The following HACE1 variants were observed in gnomAD, a reference collection of about 807,000 sequenced individuals.
HACE1 encodes HECT domain and ankyrin repeat containing E3 ubiquitin protein ligase 1, also known as E3 ubiquitin-protein ligase HACE1.
HACE1 carries 73 observed loss-of-function variants against 118.4 expected under a neutral mutation model. That is an observed-to-expected ratio of 0.62 (90% CI 0.51 to 0.75). HACE1 has a LOEUF of 0.75. Ranked by LOEUF, HACE1 falls within the 30% of genes least tolerant of loss-of-function variation. The probability of loss-of-function intolerance (pLI) is 0.00; values close to 1 mark genes in which losing one functional copy is unlikely to be tolerated. For synonymous variants in HACE1, 368 were observed against 374.8 expected, an observed-to-expected ratio of 0.98 and a Z score of 0.21; for missense variants, 749 against 1,102.2, an observed-to-expected ratio of 0.68 and a Z score of 4.54.
At chr6:104,769,634 A>G (rs145189361) in intron 19 of HACE1, among the ~76,000 whole-genome samples, 60 of 152,344 alleles carry the variant, frequency 3.9e-4, no homozygotes, top group African/African-American at 1.4e-3. Context: ...ATTAAAAATC[A>G]AGTAAGTTCT....
At chr6:104,816,002 G>A (rs1478231917) in intron 6 of HACE1, among the ~76,000 whole-genome samples, 1 of 151,808 alleles carries the variant, frequency 6.6e-6, no homozygotes, top group African/African-American at 2.4e-5. Context: ...GAACCCAGGA[G>A]GCGGAGATTG....
At chr6:104,733,082 C>T (rs1348586683) in intron 22 of HACE1, among the ~76,000 whole-genome samples, 1 of 151,990 alleles carries the variant, frequency 6.6e-6, no homozygotes, top group African/African-American at 2.4e-5. Context: ...AATAACGTGA[C>T]CAAACATAAA....
intron 1 of HACE1, chr6:104,859,297 C>G (rs1437448396): frequency 2.3e-6 from 1 of 443,454 alleles, no homozygotes; most frequent in African/African-American, 2.1e-5. Context: ...GACCCCTAAT[C>G]GACAGACGTT....
intron 19 of HACE1, 128 bp from the exon 20 acceptor site, chr6:104,750,600 G>T: frequency 1.2e-6 from 1 of 846,098 alleles, no homozygotes; most frequent in Non-Finnish European, 1.9e-6. Flanking sequence ...ATACATCTCA[G>T]CAAATCAGCA....
chr6:104,799,903 G>C (rs1015299566), intron 7 of HACE1, among the ~76,000 whole-genome samples: 2 of 134,160 alleles, frequency 1.5e-5, no homozygotes, highest in African/African-American at 6.3e-5. Context: ...AGCCCACGGA[G>C]GGTGAGCACC....
chr6:104,766,440 A>G (rs1780025203), intron 19 of HACE1, among the ~76,000 whole-genome samples: 1 of 152,144 alleles, frequency 6.6e-6, no homozygotes, highest in Admixed American at 6.5e-5. Flanking sequence ...ACTCTGAATT[A>G]TGGATGCTCA....
intron 5 of HACE1, among the ~76,000 whole-genome samples, chr6:104,838,716 C>G (rs1487509833): frequency 6.6e-6 from 1 of 151,062 alleles, no homozygotes; most frequent in African/African-American, 2.4e-5. Flanking sequence ...CAAAAGTAAC[C>G]AAAGCAAAAA....
chr6:104,805,895 A>T (rs1770941373), intron 7 of HACE1, among the ~76,000 whole-genome samples: 1 of 152,196 alleles, frequency 6.6e-6, no homozygotes, highest in Admixed American at 6.5e-5. Context: ...ACTCAAAAAA[A>T]TTATGGTATC....
intron 7 of HACE1, among the ~76,000 whole-genome samples, chr6:104,805,515 T>C (rs1770893003): frequency 6.6e-6 from 1 of 152,218 alleles, no homozygotes; most frequent in Admixed American, 6.5e-5. Context: ...CATGGAATAC[T>C]ATGCAGCCAT....
At chr6:104,832,168 T>C (rs563378272) in intron 6 of HACE1, among the ~76,000 whole-genome samples, 5 of 152,264 alleles carry the variant, frequency 3.3e-5, no homozygotes, top group South Asian at 2.1e-4. Context: ...ATCTCCAAAA[T>C]TGAGGCTTAA....
At chr6:104,771,662 C>T (rs2034821) in intron 18 of HACE1, among the ~76,000 whole-genome samples, 83,781 of 147,550 alleles carry the variant, frequency 0.57, 25,247 homozygotes, top group African/African-American at 0.8. Context: ...AGTATACTCA[C>T]ACTGAAATGT....
chr6:104,738,355 C>A, intron 22 of HACE1, among the ~76,000 whole-genome samples: 1 of 148,852 alleles, frequency 6.7e-6, no homozygotes, highest in East Asian at 2.0e-4. Context: ...AGGCTTCAGA[C>A]GATCAAATTA....
intron 6 of HACE1, among the ~76,000 whole-genome samples, chr6:104,830,884 T>C (rs1773797773): frequency 6.6e-6 from 1 of 151,220 alleles, no homozygotes; most frequent in African/African-American, 2.4e-5. Context: ...CTCCTTAAGC[T>C]ATCTGGCATC....
Position 104,777,125 on chromosome 6 carries a change from T to C in HACE1, c.1679-15A>G, listed in dbSNP as rs201465673. 3.8e-5 allele frequency: 59 copies of C among 1,572,092 alleles called. No individual in the cohort carries two copies. The highest frequency in any genetic ancestry group is 3.4e-4 in the Middle Eastern group (2 of 5,914). ...AAAAATAGAATCTAAATATGTAGCA[T>C]TGGTTAATTTTACATATTAAAATTT... On this transcript the variant is annotated splice_polypyrimidine_tract_variant and intron_variant, in intron 15 of 23. Transcript: ENST00000262903.
intron 14 of HACE1, among the ~76,000 whole-genome samples, chr6:104,781,905 CA>C (rs1292747556): frequency 1.3e-5 from 2 of 152,146 alleles, no homozygotes; most frequent in Non-Finnish European, 2.9e-5. Flanking sequence ...CTCTCTGGGT[CA>C]ACAAAGTGGA....
intron 19 of HACE1, among the ~76,000 whole-genome samples, chr6:104,762,111 T>A (rs375773009): frequency 6.6e-6 from 1 of 152,264 alleles, no homozygotes; most frequent in Middle Eastern, 3.4e-3. Flanking sequence ...GGAGTGTAAA[T>A]TAGTTCAACC....
chr6:104,758,245 T>C (rs1778935321), intron 19 of HACE1, among the ~76,000 whole-genome samples: 1 of 151,954 alleles, frequency 6.6e-6, no homozygotes, highest in Non-Finnish European at 1.5e-5. Context: ...ACATATAAAA[T>C]GTCAGATTCA....
chr6:104,826,939 C>G (rs1773399375), intron 6 of HACE1, among the ~76,000 whole-genome samples: 1 of 152,088 alleles, frequency 6.6e-6, no homozygotes, highest in South Asian at 2.1e-4. Flanking sequence ...TGCGGAGGAA[C>G]CGCAAAAGAA....
chr6:104,842,011 A>G (rs902452315), intron 5 of HACE1, among the ~76,000 whole-genome samples: 1 of 146,770 alleles, frequency 6.8e-6, no homozygotes, highest in African/African-American at 2.7e-5. Flanking sequence ...ACTACTTTAT[A>G]TAAAATATAA....
Sources: gnomAD v4.1 joint callset for allele counts (sites outside exome capture counted in the v4.1 genomes callset) on GRCh38, gnomAD v4.1.1 for gene constraint, MANE v1.5 for transcripts, NCBI Gene and HGNC (gene_info 2026-07-23, HGNC 2026-07-21) for gene names.